The following NALCN variants were observed in gnomAD, a reference collection of about 807,000 sequenced individuals.
NALCN encodes sodium leak channel NALCN.
In NALCN, 111 loss-of-function variants were observed where a neutral mutation model predicts 225.3. The observed-to-expected ratio is 0.49, with a 90% confidence interval of 0.42 to 0.58. The LOEUF is 0.58. Among genes scored for constraint, NALCN ranks in the 20% least tolerant of loss-of-function variants. The probability of loss-of-function intolerance (pLI) is 0.00; values close to 1 mark genes in which losing one functional copy is unlikely to be tolerated. For synonymous variants in NALCN, 764 were observed against 769.0 expected (o/e 0.99, Z 0.11); for missense variants, 1,378 against 2,202.4 (o/e 0.63, Z 7.49).
chr13:101,416,498 T>A lies in NALCN; in HGVS notation c.-225A>T, dbSNP rs1261485471. 3.3e-5 allele frequency: 5 copies of A among 151,798 alleles called. No individual in the cohort carries two copies. The highest frequency in any genetic ancestry group is 1.2e-4 in the African/African-American group (5 of 41,474). The allele number at this position is 151,798 out of a possible 1,614,324, so 9.4% of individuals were successfully genotyped here. On this transcript the variant is annotated 5_prime_UTR_variant, in exon 1 of 44. Transcript: ENST00000251127. ...CTGGGGCCGCGGCTCACGCTCGCCG[T>A]GTCACTCACTGAGCGCCGCCGCCGC...
intron 18 of NALCN, among the ~76,000 whole-genome samples, chr13:101,111,456 C>T (rs1191229211): frequency 6.6e-6 from 1 of 152,134 alleles, no homozygotes; most frequent in Non-Finnish European, 1.5e-5. Context: ...AAACAGAAAG[C>T]TCCCCTCTTG....
intron 7 of NALCN, among the ~76,000 whole-genome samples, chr13:101,334,266 C>G (rs940401210): frequency 6.6e-6 from 1 of 151,362 alleles, no homozygotes; most frequent in African/African-American, 2.4e-5. Context: ...ACAAACCTTG[C>G]TATCACAGTT....
At chr13:101,381,961 T>C (rs533980878) in intron 3 of NALCN, among the ~76,000 whole-genome samples, 1 of 152,120 alleles carries the variant, frequency 6.6e-6, no homozygotes, top group Admixed American at 6.6e-5. Context: ...TGAAATTTTA[T>C]GGGACTCAGC....
At chr13:101,206,894 A>G (rs1349495416) in intron 13 of NALCN, among the ~76,000 whole-genome samples, 5 of 152,002 alleles carry the variant, frequency 3.3e-5, no homozygotes, top group Non-Finnish European at 2.9e-5. Context: ...TATCATCACC[A>G]TTTCTCTCAC....
chr13:101,414,564 C>A (rs985260152), intron 1 of NALCN, among the ~76,000 whole-genome samples: 1 of 139,546 alleles, frequency 7.2e-6, no homozygotes. Flanking sequence ...GATAAAATCA[C>A]CTGGAAACCA....
chr13:101,367,491 A>G (rs1024206693), intron 6 of NALCN, among the ~76,000 whole-genome samples: 1 of 152,134 alleles, frequency 6.6e-6, no homozygotes, highest in Non-Finnish European at 1.5e-5. Flanking sequence ...CCTCCAGGAC[A>G]TGACCTATTT....
intron 7 of NALCN, among the ~76,000 whole-genome samples, chr13:101,316,457 G>A (rs560432710): frequency 1.3e-5 from 2 of 152,194 alleles, no homozygotes; most frequent in Non-Finnish European, 2.9e-5. Context: ...ACCACCCACT[G>A]TATCTAAATT....
intron 1 of NALCN, among the ~76,000 whole-genome samples, chr13:101,399,656 G>C (rs1179425191): frequency 6.6e-6 from 1 of 152,172 alleles, no homozygotes; most frequent in Non-Finnish European, 1.5e-5. Flanking sequence ...CCCAACTTGG[G>C]AGGGGAGGGA....
intron 7 of NALCN, among the ~76,000 whole-genome samples, chr13:101,302,768 C>T (rs2044017723): frequency 1.3e-5 from 2 of 152,080 alleles, no homozygotes; most frequent in Non-Finnish European, 2.9e-5. Context: ...CTTATAACTT[C>T]ACGTTTACAT....
intron 18 of NALCN, among the ~76,000 whole-genome samples, chr13:101,113,273 T>C (rs1397226980): frequency 1.3e-5 from 2 of 152,124 alleles, no homozygotes; most frequent in African/African-American, 4.8e-5. Context: ...AAACCTGAGG[T>C]TGGACGGTGG....
rs553072621 is a variant in NALCN at position 101,089,377 on chromosome 13, G to T, written c.3489+286C>A. Among the ~76,000 whole-genome samples, 91 of 152,276 alleles carry T rather than the reference G, an allele frequency of 6.0e-4. No individual in the cohort carries two copies. Among genetic ancestry groups the T allele is most frequent in the African/African-American group, 2.0e-3 (84 of 41,556 alleles). ...ATCTATTGTATTTTAATAACTTGCT[G>T]CCCATCTTTCTTTTCAATTTGAACA... On this transcript the variant is annotated intron_variant, in intron 30 of 43. Coordinates refer to ENST00000251127, the MANE Select transcript of NALCN (RefSeq NM_052867.4). The surrounding 1 kb of genome is among the most constrained non-coding windows in gnomAD (Gnocchi z 4.7).
chr13:101,414,406 A>C (rs1236100431), intron 1 of NALCN, among the ~76,000 whole-genome samples: 1 of 151,362 alleles, frequency 6.6e-6, no homozygotes, highest in African/African-American at 2.4e-5. Flanking sequence ...TTTCATTCAC[A>C]AACTTGAAAT....
rs769942957 is a variant in NALCN at position 101,061,965 on chromosome 13, C to T, written c.4755+3G>A. Reference sequence around the variant, plus strand: ...CCAACCTGCATGTGTGCAGTTCACTCACAGCTCTGATGCGCTTCAGGCACT... The same window carrying T: ...CCAACCTGCATGTGTGCAGTTCACTTACAGCTCTGATGCGCTTCAGGCACT... On this transcript the variant is annotated splice_donor_region_variant and intron_variant, in intron 41 of 43. Coordinates refer to ENST00000251127, the MANE Select transcript of NALCN (RefSeq NM_052867.4). The T allele has an allele frequency of 1.2e-5, 19 of 1,612,860 alleles. 1 individual carries two copies. In the Admixed American group the frequency reaches 3.2e-4, roughly 27 times the overall value.
Position 101,119,987 on chromosome 13 carries a change from A to G in NALCN, c.2192+4621T>C, listed in dbSNP as rs2035894513. Among the ~76,000 whole-genome samples the G allele has an allele frequency of 2.6e-5, 4 of 152,286 alleles. No individual in the cohort carries two copies. In the South Asian group the frequency reaches 8.3e-4, roughly 32 times the overall value. On this transcript the variant is annotated intron_variant, in intron 18 of 43. Transcript: ENST00000251127. ...CAAAAAATTCATTTATATTTCTCAA[A>G]ACATCAATTAATTTTCAAAAGTACA... is the stretch of plus-strand genomic sequence containing the variant.
chr13:101,191,715 T>G (rs969150550), intron 14 of NALCN, among the ~76,000 whole-genome samples: 3 of 152,212 alleles, frequency 2.0e-5, no homozygotes, highest in African/African-American at 7.2e-5. Context: ...TGGTACCTGA[T>G]GGAGAAAATA....
chr13:101,218,056 A>T lies in NALCN; in HGVS notation c.1626+11337T>A, dbSNP rs1246934622. Among the ~76,000 whole-genome samples the T allele has an allele frequency of 2.0e-5, 3 of 152,296 alleles. No homozygotes were observed. In the East Asian group the frequency reaches 5.8e-4, roughly 29 times the overall value. On this transcript the variant is annotated intron_variant, in intron 13 of 43. Transcript: ENST00000251127. ...TGATTAACCAAAGCCAGTAATTTTA[A>T]TTCTAGGAATGACCCTGTTACTCAA...
At chr13:101,395,708 T>C (rs1014691706) in intron 2 of NALCN, among the ~76,000 whole-genome samples, 1 of 152,094 alleles carries the variant, frequency 6.6e-6, no homozygotes, top group Non-Finnish European at 1.5e-5. Flanking sequence ...GACTACAATA[T>C]AGGAAGATTC....
intron 3 of NALCN, among the ~76,000 whole-genome samples, chr13:101,391,315 A>C (rs982348599): frequency 4.3e-4 from 66 of 152,320 alleles, no homozygotes; most frequent in African/African-American, 1.6e-3. Context: ...ATAATTAAAC[A>C]AAATAAATAG....
chr13:101,268,033 A>G (rs2042654178), intron 10 of NALCN, among the ~76,000 whole-genome samples: 1 of 152,188 alleles, frequency 6.6e-6, no homozygotes, highest in Non-Finnish European at 1.5e-5. Context: ...ACTTTGAGAA[A>G]GGGTGTGCCT....
Sources: allele counts gnomAD v4.1 joint callset (sites outside exome capture counted in the v4.1 genomes callset), GRCh38; gene constraint gnomAD v4.1.1; non-coding constraint Gnocchi (gnomAD v3.1); transcripts MANE v1.5; gene names NCBI Gene and HGNC (gene_info 2026-07-23, HGNC 2026-07-21).